CCSER1: variants seen among roughly 807,000 people sequenced by gnomAD.
The protein encoded by CCSER1 is coiled-coil serine rich protein 1.
In CCSER1, 41 loss-of-function variants were observed where a neutral mutation model predicts 82.0. That is an observed-to-expected ratio of 0.50 (90% CI 0.39 to 0.65). The LOEUF (loss-of-function observed/expected upper bound fraction) is 0.65. Among genes scored for constraint, CCSER1 ranks in the 30% least tolerant of loss-of-function variants. CCSER1 has a pLI of 0.00. For synonymous variants in CCSER1, 414 were observed against 383.9 expected (o/e 1.08, Z -0.92); for missense variants, 1,119 against 1,064.2 (o/e 1.05, Z -0.72).
intron 1 of CCSER1, among the ~76,000 whole-genome samples, chr4:90,253,840 C>T (rs1722804849): frequency 6.6e-6 from 1 of 152,024 alleles, no homozygotes; most frequent in Admixed American, 6.6e-5. Context: ...CTTTCTTCTC[C>T]CTATTAAATT....
intron 10 of CCSER1, among the ~76,000 whole-genome samples, chr4:91,117,693 AG>A (rs1383098516): frequency 6.6e-6 from 1 of 152,046 alleles, no homozygotes; most frequent in Non-Finnish European, 1.5e-5. Flanking sequence ...CCAATGCCAT[AG>A]GCAGAAAAAA....
intron 10 of CCSER1, among the ~76,000 whole-genome samples, chr4:91,375,877 T>C (rs116435074): frequency 0.019 from 2,912 of 152,220 alleles, 101 homozygotes; most frequent in African/African-American, 0.067. Context: ...GATAAAATAT[T>C]GCATTATACC....
At chr4:91,118,779 CAATGACA>C (rs1296469371) in intron 10 of CCSER1, among the ~76,000 whole-genome samples, 1 of 152,194 alleles carries the variant, frequency 6.6e-6, no homozygotes, top group African/African-American at 2.4e-5. Flanking sequence ...GCAACTTTCT[CAATGACA>C]TAAGTGTTAG....
chr4:90,768,227 T>A (rs551042037), intron 7 of CCSER1, among the ~76,000 whole-genome samples: 2 of 152,180 alleles, frequency 1.3e-5, no homozygotes, highest in Non-Finnish European at 2.9e-5. Context: ...TCCAAATGAC[T>A]ACTTGGAAAC....
intron 1 of CCSER1, among the ~76,000 whole-genome samples, chr4:90,148,792 T>C (rs1393379844): frequency 6.6e-6 from 1 of 152,166 alleles, no homozygotes; most frequent in East Asian, 1.9e-4. Context: ...TTATTTTTTT[T>C]CTCTATCTTA....
intron 7 of CCSER1, among the ~76,000 whole-genome samples, chr4:90,755,847 T>G (rs556969098): frequency 6.6e-6 from 1 of 152,340 alleles, no homozygotes; most frequent in East Asian, 1.9e-4. Context: ...CTAAATTATA[T>G]GCAATAAGGA....
At chr4:90,911,259 C>G (rs779785105) in intron 8 of CCSER1, 1 of 455,836 alleles carries the variant, frequency 2.2e-6, no homozygotes, top group South Asian at 1.5e-5. Context: ...TGATAGCTCC[C>G]GAAAATTTTG....
chr4:91,442,142 A>C (rs1755208951), intron 10 of CCSER1, among the ~76,000 whole-genome samples: 2 of 151,652 alleles, frequency 1.3e-5, no homozygotes, highest in African/African-American at 4.8e-5. Flanking sequence ...ATATGGAACC[A>C]AAAAAGAGCC....
intron 10 of CCSER1, among the ~76,000 whole-genome samples, chr4:91,177,162 A>T (rs1466563802): frequency 6.6e-6 from 1 of 152,166 alleles, no homozygotes; most frequent in Non-Finnish European, 1.5e-5. Flanking sequence ...CATCCCAGGG[A>T]TGAAGCCAAC....
intron 3 of CCSER1, among the ~76,000 whole-genome samples, chr4:90,385,481 A>G (rs1026962176): frequency 9.1e-5 from 12 of 132,102 alleles, no homozygotes; most frequent in African/African-American, 2.3e-4. Flanking sequence ...TTTTTTTGAG[A>G]TGGAGTCTCA....
At chr4:91,413,027 G>A (rs1578396348) in intron 10 of CCSER1, among the ~76,000 whole-genome samples, 1 of 151,780 alleles carries the variant, frequency 6.6e-6, no homozygotes, top group African/African-American at 2.4e-5. Flanking sequence ...TAAAGAATTA[G>A]AAGCCATAAA....
intron 9 of CCSER1, among the ~76,000 whole-genome samples, chr4:91,047,288 A>G (rs1351117365): frequency 2.0e-5 from 3 of 152,190 alleles, no homozygotes. Flanking sequence ...TGTATAACAC[A>G]TACATATATA....
At chr4:91,404,345 G>T (rs925950846) in intron 10 of CCSER1, among the ~76,000 whole-genome samples, 1 of 152,088 alleles carries the variant, frequency 6.6e-6, no homozygotes, top group Non-Finnish European at 1.5e-5. Flanking sequence ...CAAAAAAACA[G>T]ATCCTGGATT....
At chr4:90,768,932 A>C (rs1159187828) in intron 7 of CCSER1, among the ~76,000 whole-genome samples, 2 of 152,182 alleles carry the variant, frequency 1.3e-5, no homozygotes, top group Non-Finnish European at 2.9e-5. Flanking sequence ...GCCTCTCTAG[A>C]AATCAAATAA....
chr4:91,558,980 T>TATC (rs1762533243), intron 10 of CCSER1, among the ~76,000 whole-genome samples: 1 of 151,648 alleles, frequency 6.6e-6, no homozygotes, highest in Non-Finnish European at 1.5e-5. Context: ...TCAAATTATA[T>TATC]ATCTACAGAA....
chr4:91,406,555 C>G lies in CCSER1; in HGVS notation c.2218-192017C>G, dbSNP rs532540029. ...GTAAATAAGCAGTTCCACAAATACA[C>G]GCTAGTAAATTCTAGAGCTGATAGA... On this transcript the variant is annotated intron_variant, in intron 10 of 10. Transcript: ENST00000509176. Among the ~76,000 whole-genome samples the G allele has an allele frequency of 5.3e-5, 8 of 152,246 alleles. No individual in the cohort carries two copies. In the South Asian group the frequency reaches 1.7e-3, roughly 32 times the overall value.
At chr4:90,929,419 T>G (rs1446141290) in intron 9 of CCSER1, among the ~76,000 whole-genome samples, 1 of 152,216 alleles carries the variant, frequency 6.6e-6, no homozygotes, top group Non-Finnish European at 1.5e-5. Flanking sequence ...GAATGAAGTA[T>G]TAAACTCAAA....
At chr4:90,232,468 C>T (rs1434575930) in intron 1 of CCSER1, among the ~76,000 whole-genome samples, 2 of 152,014 alleles carry the variant, frequency 1.3e-5, no homozygotes, top group Non-Finnish European at 2.9e-5. Context: ...ATACAGAAAT[C>T]AATTCAAGAT....
At chr4:90,671,950 G>C (rs112234199) in intron 6 of CCSER1, among the ~76,000 whole-genome samples, 1 of 151,882 alleles carries the variant, frequency 6.6e-6, no homozygotes, top group South Asian at 2.1e-4. Flanking sequence ...TGTTCAACAC[G>C]TAGTAATATT....
Sources: gnomAD v4.1 joint callset for allele counts (sites outside exome capture counted in the v4.1 genomes callset) on GRCh38, gnomAD v4.1.1 for gene constraint, MANE v1.5 for transcripts, NCBI Gene and HGNC (gene_info 2026-07-23, HGNC 2026-07-21) for gene names.